Variants in NRXN3 observed in about 807,000 individuals in gnomAD.
NRXN3 encodes the protein neurexin III.
Under a neutral mutation model 137.6 loss-of-function variants are expected in NRXN3, and 32 were observed. That is an observed-to-expected ratio of 0.23 (90% CI 0.18 to 0.31). The LOEUF (loss-of-function observed/expected upper bound fraction) is 0.31. NRXN3 is among the 10% of genes least tolerant of loss of function. The probability of loss-of-function intolerance (pLI) is 1.00; values close to 1 mark genes in which losing one functional copy is unlikely to be tolerated. For missense variants in NRXN3, 1,574 were observed against 2,062.5 expected (o/e 0.76, Z 4.59); for synonymous variants, 798 against 784.5 (o/e 1.02, Z -0.29).
chr14:78,452,065 T>C (rs1337824834), intron 4 of NRXN3, among the ~76,000 whole-genome samples: 1 of 152,232 alleles, frequency 6.6e-6, no homozygotes, highest in African/African-American at 2.4e-5. Flanking sequence ...CACTGTAATA[T>C]AATAAATATA....
intron 15 of NRXN3, among the ~76,000 whole-genome samples, chr14:79,271,833 C>G (rs1366358857): frequency 6.6e-6 from 1 of 152,100 alleles, no homozygotes; most frequent in Admixed American, 6.5e-5. Flanking sequence ...AAATCAAGTT[C>G]ATCATAATAG....
chr14:79,244,788 A>G (rs1051667925), intron 15 of NRXN3, among the ~76,000 whole-genome samples: 1 of 152,118 alleles, frequency 6.6e-6, no homozygotes, highest in Non-Finnish European at 1.5e-5. Flanking sequence ...ATAAGCGTAT[A>G]TTGGAGGCAT....
chr14:79,685,888 CCAGCAACAGA>C (rs2098692605), intron 17 of NRXN3, among the ~76,000 whole-genome samples: 1 of 152,128 alleles, frequency 6.6e-6, no homozygotes, highest in Non-Finnish European at 1.5e-5. Flanking sequence ...GTATGTTCAA[CCAGCAACAGA>C]CAGCAAGGAA....
At chr14:79,487,619 A>G (rs944379382) in intron 16 of NRXN3, among the ~76,000 whole-genome samples, 1 of 146,060 alleles carries the variant, frequency 6.8e-6, no homozygotes, top group African/African-American at 2.7e-5. Context: ...CTATCCCTCC[A>G]GAAGTCTACC....
intron 15 of NRXN3, among the ~76,000 whole-genome samples, chr14:79,425,181 T>C (rs2095637412): frequency 6.6e-6 from 1 of 152,178 alleles, no homozygotes; most frequent in African/African-American, 2.4e-5. Flanking sequence ...AAAACTCAGT[T>C]AATAGAATAT....
chr14:78,239,865 G>A (rs531752788), intron 1 of NRXN3, among the ~76,000 whole-genome samples: 1 of 152,178 alleles, frequency 6.6e-6, no homozygotes, highest in East Asian at 1.9e-4. Flanking sequence ...CTGCCACTGG[G>A]ACTAATTTTT....
chr14:78,973,578 T>C (rs997993887), intron 14 of NRXN3, among the ~76,000 whole-genome samples: 7 of 152,196 alleles, frequency 4.6e-5, no homozygotes, highest in Non-Finnish European at 8.8e-5. Flanking sequence ...AGGAAGAAGA[T>C]GATCTGTCAT....
At chr14:78,825,999 A>G (rs908854247) in intron 10 of NRXN3, among the ~76,000 whole-genome samples, 1 of 152,262 alleles carries the variant, frequency 6.6e-6, no homozygotes, top group Non-Finnish European at 1.5e-5. Flanking sequence ...GTGTTTGCCC[A>G]TGATGAGATA....
chr14:78,404,126 A>G (rs2092317659), intron 4 of NRXN3, among the ~76,000 whole-genome samples: 1 of 151,962 alleles, frequency 6.6e-6, no homozygotes. Flanking sequence ...TTTTTCTTGG[A>G]AATTTTGCCT....
chr14:78,300,275 C>T (rs190678203), intron 4 of NRXN3, among the ~76,000 whole-genome samples: 2 of 152,316 alleles, frequency 1.3e-5, no homozygotes, highest in East Asian at 3.9e-4. Flanking sequence ...CTAGCTTCTC[C>T]GAGATGTCCC....
At chr14:79,524,931 CT>C (rs1455662135) in intron 16 of NRXN3, among the ~76,000 whole-genome samples, 1 of 151,972 alleles carries the variant, frequency 6.6e-6, no homozygotes, top group Non-Finnish European at 1.5e-5. Flanking sequence ...CGTGTAGACT[CT>C]TCTTGGCCTC....
chr14:78,778,939 T>C (rs2098758371), intron 8 of NRXN3, among the ~76,000 whole-genome samples: 1 of 152,060 alleles, frequency 6.6e-6, no homozygotes. Context: ...TTATTTTAAA[T>C]ATTGAAACTC....
intron 8 of NRXN3, among the ~76,000 whole-genome samples, chr14:78,727,146 G>C (rs979704166): frequency 1.3e-5 from 2 of 152,126 alleles, no homozygotes; most frequent in African/African-American, 4.8e-5. Context: ...TCATTAACCA[G>C]TTCTCACCTA....
At chr14:79,800,666 G>A (rs1216321363) in intron 19 of NRXN3, among the ~76,000 whole-genome samples, 11 of 152,130 alleles carry the variant, frequency 7.2e-5, no homozygotes, top group Admixed American at 7.2e-4. Flanking sequence ...TGTTTTACAA[G>A]CCATGGAAAG....
rs533639905 is a variant in NRXN3, at chr14:78,503,977, C to T, written c.758-141143C>T. 7.9e-5 allele frequency among the ~76,000 whole-genome samples: 12 copies of T among 152,278 alleles called. No individual in the cohort carries two copies. The East Asian group carries it at 1.7e-3, about 22-fold the overall frequency. ...CCAGAGACCACAAAAGTAGAGTTCTCTAGTCACATAAGTATGGCAAATCCA... is the reference window on the plus strand; with the variant it reads ...CCAGAGACCACAAAAGTAGAGTTCTTTAGTCACATAAGTATGGCAAATCCA... On this transcript the variant is annotated intron_variant, in intron 4 of 20. Transcript: ENST00000335750.
At chr14:79,043,184 G>T (rs1398999421) in intron 15 of NRXN3, among the ~76,000 whole-genome samples, 1 of 152,168 alleles carries the variant, frequency 6.6e-6, no homozygotes, top group Non-Finnish European at 1.5e-5. Context: ...CAAGTGAATT[G>T]GTTAATAAGC....
At chr14:79,390,373 T>G (rs946513005) in intron 15 of NRXN3, among the ~76,000 whole-genome samples, 12 of 152,088 alleles carry the variant, frequency 7.9e-5, no homozygotes, top group African/African-American at 2.9e-4. Context: ...TTTGTCATTC[T>G]TCATCTCTCC....
intron 4 of NRXN3, among the ~76,000 whole-genome samples, chr14:78,636,206 T>C (rs1291141594): frequency 6.6e-6 from 1 of 152,162 alleles, no homozygotes; most frequent in Non-Finnish European, 1.5e-5. Flanking sequence ...AGTTAGAGCA[T>C]GTGGCTTTTA....
chr14:79,735,963 A>G (rs1347913266), intron 19 of NRXN3, among the ~76,000 whole-genome samples: 8 of 152,226 alleles, frequency 5.3e-5, no homozygotes, highest in Admixed American at 5.2e-4. Context: ...AATGTACAAA[A>G]TTACCACCCT....
Sources: allele counts gnomAD v4.1 joint callset (sites outside exome capture counted in the v4.1 genomes callset), GRCh38; gene constraint gnomAD v4.1.1; transcripts MANE v1.5; gene names NCBI Gene and HGNC (gene_info 2026-07-23, HGNC 2026-07-21).